The following ATP8A2 variants were observed in gnomAD, a reference collection of about 807,000 sequenced individuals.
ATP8A2 encodes the protein ATPase phospholipid transporting 8A2, also known as phospholipid-transporting ATPase IB.
ATP8A2 carries 100 observed loss-of-function variants against 165.6 expected under a neutral mutation model. The ratio of observed to expected loss-of-function variants is 0.60; its 90% CI spans 0.51 to 0.71. ATP8A2 has a LOEUF of 0.71. Ranked by LOEUF, ATP8A2 falls within the 30% of genes least tolerant of loss-of-function variation. ATP8A2 has a pLI of 0.00. For missense variants in ATP8A2, 1,227 were observed against 1,479.5 expected (o/e 0.83, Z 2.80); for synonymous variants, 543 against 548.8 (o/e 0.99, Z 0.15).
chr13:25,510,652 C>T (rs1440473282), intron 2 of ATP8A2, among the ~76,000 whole-genome samples: 1 of 152,154 alleles, frequency 6.6e-6, no homozygotes, highest in Non-Finnish European at 1.5e-5. Context: ...ATCTAGGTGT[C>T]AATTGCCGCT....
At chr13:25,702,394 G>A (rs1340630342) in intron 25 of ATP8A2, among the ~76,000 whole-genome samples, 1 of 152,174 alleles carries the variant, frequency 6.6e-6, no homozygotes, top group Non-Finnish European at 1.5e-5. Flanking sequence ...TGCTAATTAT[G>A]CATTTCTGTA....
chr13:26,006,461 A>G (rs528148226), intron 35 of ATP8A2, among the ~76,000 whole-genome samples: 1 of 152,100 alleles, frequency 6.6e-6, no homozygotes, highest in African/African-American at 2.4e-5. Flanking sequence ...ACAAATAGAG[A>G]TAGTTTTACT....
At chr13:25,578,734 C>A in intron 20 of ATP8A2, 81 bp from the exon 21 acceptor site, 1 of 843,882 alleles carries the variant, frequency 1.2e-6, no homozygotes, top group Non-Finnish European at 2.0e-6. Context: ...GTTAGATAAA[C>A]AGAAACAAAG....
intron 22 of ATP8A2, among the ~76,000 whole-genome samples, chr13:25,580,929 A>T (rs2039758899): frequency 6.6e-6 from 1 of 151,766 alleles, no homozygotes; most frequent in African/African-American, 2.4e-5. Flanking sequence ...TTTTTTACTC[A>T]GTTTTTTTGT....
chr13:25,541,768 C>A lies in ATP8A2; in HGVS notation c.652-151C>A. The stretch of plus-strand genomic sequence containing the variant: ...GGCAAAAGCTACTGGAAAAGTCTGC[C>A]TTGAGGGGCTGACAGTTTGACTTGT... On this transcript the variant is annotated intron_variant, in intron 8 of 36. Transcript: ENST00000381655. The A allele has an allele frequency of 4.0e-6, 3 of 754,098 alleles. No homozygotes were observed. The South Asian group carries it at 6.2e-5, about 16-fold the overall frequency. 46.7% of individuals were successfully genotyped at this position (754,098 alleles called of 1,614,324 possible). A position where few individuals can be genotyped will look rare whatever the true frequency, so the allele number is the denominator to read the frequency against.
At position 25,533,235 on chromosome 13, in the gene ATP8A2, AC is replaced by A. The variant is rs2038172263; in HGVS notation, c.467-36del. On this transcript the variant is annotated intron_variant, in intron 5 of 36. Transcript: ENST00000381655. ...TTTTAGGAAGCTGATTCAATTTAAC[AC>A]CAGTATTAACCAATATTTTATTTTT... 5.5e-6 allele frequency: 6 copies of A among 1,083,966 alleles called. No individual in the cohort carries two copies. In the South Asian group the frequency reaches 8.1e-5, roughly 15 times the overall value. 67.1% of individuals were successfully genotyped at this position (1,083,966 alleles called of 1,614,324 possible).
intron 33 of ATP8A2, among the ~76,000 whole-genome samples, chr13:25,938,665 A>G (rs904449173): frequency 1.3e-5 from 2 of 152,146 alleles, no homozygotes; most frequent in African/African-American, 2.4e-5. Flanking sequence ...CTCATCCACC[A>G]TGGAATAGAG....
intron 35 of ATP8A2, among the ~76,000 whole-genome samples, chr13:25,999,172 A>G (rs962444609): frequency 2.6e-5 from 4 of 152,194 alleles, no homozygotes; most frequent in Admixed American, 6.5e-5. Context: ...TCAGCCCAGG[A>G]TAGGTACTGT....
At chr13:25,743,250 G>A (rs1268522930) in intron 25 of ATP8A2, among the ~76,000 whole-genome samples, 1 of 152,120 alleles carries the variant, frequency 6.6e-6, no homozygotes, top group East Asian at 1.9e-4. Context: ...GAATGCTGAA[G>A]ATGGCAGCAA....
At chr13:25,976,628 G>T (rs575024079) in intron 35 of ATP8A2, among the ~76,000 whole-genome samples, 1 of 152,034 alleles carries the variant, frequency 6.6e-6, no homozygotes, top group Non-Finnish European at 1.5e-5. Flanking sequence ...CTAGAGAATT[G>T]TAGTTGCATG....
chr13:25,394,738 A>G (rs1241305182), intron 1 of ATP8A2, among the ~76,000 whole-genome samples: 3 of 152,334 alleles, frequency 2.0e-5, no homozygotes, highest in East Asian at 1.9e-4. Flanking sequence ...TCCTTCCCCT[A>G]TCTGGCTAAA....
intron 24 of ATP8A2, among the ~76,000 whole-genome samples, chr13:25,679,626 C>G (rs1034456368): frequency 6.6e-6 from 1 of 152,056 alleles, no homozygotes; most frequent in Non-Finnish European, 1.5e-5. Context: ...CCATAGACAC[C>G]TGAACATAAG....
chr13:25,538,491 C>T (rs150770328), intron 7 of ATP8A2, among the ~76,000 whole-genome samples: 5 of 152,290 alleles, frequency 3.3e-5, no homozygotes, highest in Admixed American at 6.5e-5. Flanking sequence ...GTTTTCTCAG[C>T]GTAATCGTGA....
chr13:25,955,294 T>G (rs1280731075), intron 33 of ATP8A2, among the ~76,000 whole-genome samples: 2 of 151,870 alleles, frequency 1.3e-5, no homozygotes, highest in Admixed American at 1.3e-4. Context: ...CTGAAGGAAA[T>G]GGAGACATGA....
At chr13:25,602,593 C>T (rs2040415241) in intron 24 of ATP8A2, among the ~76,000 whole-genome samples, 1 of 152,212 alleles carries the variant, frequency 6.6e-6, no homozygotes, top group Admixed American at 6.5e-5. Context: ...CCAGCAAATG[C>T]AGAGGCAAAG....
At chr13:25,738,486 T>C (rs2138132325) in intron 25 of ATP8A2, among the ~76,000 whole-genome samples, 1 of 152,252 alleles carries the variant, frequency 6.6e-6, no homozygotes, top group African/African-American at 2.4e-5. Context: ...CAGTGGTAAA[T>C]GATAAAAATA....
intron 6 of ATP8A2, 145 bp downstream of exon 6, chr13:25,533,458 T>G (rs7325436): frequency 0.62 from 313,684 of 505,990 alleles, 103,011 homozygotes; most frequent in African/African-American, 0.69. Flanking sequence ...TGTTTACTCC[T>G]TCCCTTGCAC....
At chr13:25,535,080 G>A (rs531883925) in intron 6 of ATP8A2, among the ~76,000 whole-genome samples, 64 of 152,294 alleles carry the variant, frequency 4.2e-4, no homozygotes, top group African/African-American at 1.5e-3. Flanking sequence ...AGACCCAGTG[G>A]TTCAGATCAG....
chr13:25,783,051 A>G (rs1332882366), intron 27 of ATP8A2, among the ~76,000 whole-genome samples: 1 of 29,584 alleles, frequency 3.4e-5, no homozygotes, highest in Non-Finnish European at 6.5e-5. Context: ...CAGTTTTTAA[A>G]TATGTACTAT....
Sources: gnomAD v4.1 joint callset for allele counts (sites outside exome capture counted in the v4.1 genomes callset) on GRCh38, gnomAD v4.1.1 for gene constraint, MANE v1.5 for transcripts, NCBI Gene and HGNC (gene_info 2026-07-23, HGNC 2026-07-21) for gene names.